Variants in MTR observed in about 807,000 individuals in gnomAD.
The protein encoded by MTR is 5-methyltetrahydrofolate-homocysteine methyltransferase, also known as methionine synthase.
MTR carries 84 observed loss-of-function variants against 154.8 expected under a neutral mutation model. The observed-to-expected ratio is 0.54, with a 90% CI of 0.45 to 0.65. The LOEUF (loss-of-function observed/expected upper bound fraction) is 0.65, where lower values mean the gene tolerates loss of function less well. Ranked by LOEUF, MTR falls within the 30% of genes least tolerant of loss-of-function variation. The pLI is 0.00. For synonymous variants in MTR, 554 were observed against 553.9 expected, an observed-to-expected ratio of 1.00 and a Z score of 0.00; for missense variants, 1,275 against 1,570.2, an observed-to-expected ratio of 0.81 and a Z score of 3.18.
intron 27 of MTR, among the ~76,000 whole-genome samples, chr1:236,888,305 G>A (rs889703578): frequency 5.3e-5 from 8 of 152,150 alleles, no homozygotes; most frequent in African/African-American, 1.7e-4. Flanking sequence ...AGAGTCTGAG[G>A]TGCAGACCAC....
rs1558353644 is a variant in MTR at position 236,899,255 on chromosome 1, G to A, written c.*1611G>A. ...CAAATGCTTCTAAATATGAAGGAGA[G>A]GTTGGGGACACGCACCCTATGTGAT... On this transcript the variant is annotated 3_prime_UTR_variant, in exon 33 of 33. Coordinates refer to ENST00000366577, the MANE Select transcript of MTR (RefSeq NM_000254.3). The A allele has an allele frequency of 6.6e-6, 1 of 152,180 alleles. No individual in the cohort carries two copies. Among genetic ancestry groups the A allele is most frequent in the Non-Finnish European group, 1.5e-5 (1 of 68,030 alleles). The allele number at this position is 152,180 out of a possible 1,614,324, so 9.4% of individuals were successfully genotyped here.
At chr1:236,857,257 T>G (rs1287504417) in intron 18 of MTR, among the ~76,000 whole-genome samples, 1 of 152,210 alleles carries the variant, frequency 6.6e-6, no homozygotes, top group Non-Finnish European at 1.5e-5. Context: ...TGCTTTTGAT[T>G]TGCATTTCTC....
chr1:236,795,304 G>A lies in MTR; in HGVS notation c.-400G>A, dbSNP rs1660298644. 5 of 1,222,940 alleles carry A rather than the reference G, an allele frequency of 4.1e-6. No individual in the cohort carries two copies. The highest frequency in any genetic ancestry group is 3.1e-6 in the Non-Finnish European group (3 of 957,090). 75.8% of individuals were successfully genotyped at this position (1,222,940 alleles called of 1,614,324 possible). On this transcript the variant is annotated 5_prime_UTR_variant, in exon 1 of 33. Transcript: ENST00000366577. Reference sequence around the variant, plus strand: ...ATAGATTGAGCGCAGAACTAACCGCGCTCTGAAAGGTTCTAAATGTCTGCG... The same window carrying A: ...ATAGATTGAGCGCAGAACTAACCGCACTCTGAAAGGTTCTAAATGTCTGCG...
At chr1:236,828,269 G>T (rs920074488) in intron 11 of MTR, among the ~76,000 whole-genome samples, 1 of 152,132 alleles carries the variant, frequency 6.6e-6, no homozygotes, top group East Asian at 1.9e-4. Context: ...GAGCCACCGC[G>T]CCTGGCCTAA....
intron 10 of MTR, among the ~76,000 whole-genome samples, chr1:236,825,673 C>T (rs1451597043): frequency 1.3e-5 from 2 of 152,136 alleles, no homozygotes; most frequent in East Asian, 3.9e-4. Context: ...ATGTTGCTTC[C>T]CCTGCAGCCT....
At chr1:236,887,612 C>G (rs1222470853) in intron 27 of MTR, among the ~76,000 whole-genome samples, 1 of 152,200 alleles carries the variant, frequency 6.6e-6, no homozygotes, top group Non-Finnish European at 1.5e-5. Context: ...TCCAAAGGCC[C>G]ACAGCACCTG....
At chr1:236,891,420 T>G in intron 29 of MTR, 91 bp downstream of exon 29, 1 of 1,286,286 alleles carries the variant, frequency 7.8e-7, no homozygotes, top group South Asian at 1.2e-5. Flanking sequence ...AGGGTCTGCT[T>G]CACCTCCTCC....
intron 1 of MTR, among the ~76,000 whole-genome samples, chr1:236,799,241 C>G (rs1017153909): frequency 1.6e-4 from 24 of 152,014 alleles, no homozygotes; most frequent in Non-Finnish European, 1.6e-4. Context: ...CTTGCCTCAG[C>G]CTTACTAGTA....
chr1:236,845,905 G>A (rs527296086), intron 15 of MTR, among the ~76,000 whole-genome samples: 37 of 152,324 alleles, frequency 2.4e-4, no homozygotes, highest in Non-Finnish European at 4.0e-4. Flanking sequence ...ACCGGGATTT[G>A]CTTTGCTTGG....
intron 1 of MTR, among the ~76,000 whole-genome samples, chr1:236,800,906 G>A (rs1660666928): frequency 6.6e-6 from 1 of 152,174 alleles, no homozygotes; most frequent in Non-Finnish European, 1.5e-5. Flanking sequence ...AGCATGGAGA[G>A]GACTTGTCTA....
At chr1:236,893,296 C>G (rs927705573) in intron 29 of MTR, among the ~76,000 whole-genome samples, 7 of 152,206 alleles carry the variant, frequency 4.6e-5, no homozygotes, top group Non-Finnish European at 8.8e-5. Flanking sequence ...TTAACAATTT[C>G]CTGCCCTGTG....
intron 14 of MTR, among the ~76,000 whole-genome samples, chr1:236,836,122 A>G (rs1662890774): frequency 6.6e-6 from 1 of 152,194 alleles, no homozygotes; most frequent in Admixed American, 6.5e-5. Context: ...TCAAGAGATT[A>G]TGTCAGCTTT....
At chr1:236,795,283 A>G, upstream of MTR, 1 of 1,201,040 alleles carries the variant, frequency 8.3e-7, no homozygotes, top group Non-Finnish European at 1.1e-6. Context: ...CCGAGGATAG[A>G]TTGAGCGCAG....
At chr1:236,850,595 T>A in intron 16 of MTR, 72 bp downstream of exon 16, 1 of 1,324,370 alleles carries the variant, frequency 7.6e-7, no homozygotes, top group Non-Finnish European at 1.1e-6. Flanking sequence ...TGGTTAGAAC[T>A]AACTTATATA....
intron 23 of MTR, 95 bp downstream of exon 23, chr1:236,873,935 C>A: frequency 8.1e-7 from 1 of 1,228,954 alleles, no homozygotes; most frequent in Non-Finnish European, 1.2e-6. Flanking sequence ...AGTGATGCCC[C>A]ATGAGGGTTC....
intron 11 of MTR, 90 bp downstream of exon 11, chr1:236,826,986 T>C: frequency 9.9e-6 from 12 of 1,210,370 alleles, no homozygotes; most frequent in Middle Eastern, 3.8e-4. Context: ...GGCTGAATTG[T>C]GTCCTTCCAA....
Position 236,863,558 on chromosome 1 carries a change from A to T in MTR, c.2405+4A>T, listed in dbSNP as rs764391090. The T allele has an allele frequency of 6.2e-7, 1 of 1,612,026 alleles. No homozygotes were observed. The highest frequency in any genetic ancestry group is 1.1e-5 in the South Asian group (1 of 91,018). Reference sequence around the variant, plus strand: ...TCCTTGGCTGCAATAATTTCCGGTAAGTTAGGACCTCACCTCTTTCAACCC... The same window carrying T: ...TCCTTGGCTGCAATAATTTCCGGTATGTTAGGACCTCACCTCTTTCAACCC... On this transcript the variant is annotated splice_donor_region_variant and intron_variant, in intron 22 of 32. Coordinates refer to ENST00000366577, the MANE Select transcript of MTR (RefSeq NM_000254.3).
At chr1:236,882,797 A>G (rs1202826983) in intron 25 of MTR, among the ~76,000 whole-genome samples, 1 of 152,216 alleles carries the variant, frequency 6.6e-6, no homozygotes, top group East Asian at 1.9e-4. Context: ...CCAGCCACGC[A>G]GCCAGCAGTG....
chr1:236,877,380 G>A (rs781686705), intron 24 of MTR, among the ~76,000 whole-genome samples: 1 of 152,098 alleles, frequency 6.6e-6, no homozygotes, highest in Non-Finnish European at 1.5e-5. Context: ...AACACTAATG[G>A]CACCCTAGGA....
Sources: gnomAD v4.1 joint callset for allele counts (sites outside exome capture counted in the v4.1 genomes callset) on GRCh38, gnomAD v4.1.1 for gene constraint, MANE v1.5 for transcripts, NCBI Gene and HGNC (gene_info 2026-07-23, HGNC 2026-07-21) for gene names.